Variants in EVI5 observed in about 807,000 individuals in gnomAD.
EVI5 encodes ecotropic viral integration site 5 protein homolog.
Under a neutral mutation model 112.0 loss-of-function variants are expected in EVI5, and 73 were observed. That is an observed-to-expected ratio of 0.65 (90% CI 0.54 to 0.79). The LOEUF is 0.79. EVI5 is among the 30% of genes least tolerant of loss of function. EVI5 has a pLI of 0.00. For synonymous variants in EVI5, 305 were observed against 319.9 expected, an observed-to-expected ratio of 0.95 and a Z score of 0.50; for missense variants, 900 against 968.8, an observed-to-expected ratio of 0.93 and a Z score of 0.94.
At chr1:92,682,255 A>T (rs1205468675) in intron 9 of EVI5, among the ~76,000 whole-genome samples, 1 of 152,128 alleles carries the variant, frequency 6.6e-6, no homozygotes, top group Non-Finnish European at 1.5e-5. Flanking sequence ...CGGCTCAAAT[A>T]GTATCTTACC....
chr1:92,663,722 C>T (rs1391548350), intron 11 of EVI5, among the ~76,000 whole-genome samples: 2 of 152,002 alleles, frequency 1.3e-5, no homozygotes, highest in Admixed American at 1.3e-4. Context: ...CTGGAACAAG[C>T]AAATTTTTTT....
intron 16 of EVI5, among the ~76,000 whole-genome samples, chr1:92,619,025 G>A (rs1239189235): frequency 2.6e-5 from 4 of 152,184 alleles, no homozygotes; most frequent in South Asian, 2.1e-4. Context: ...TGAAGATTAT[G>A]TATGATCTCA....
chr1:92,688,447 C>T (rs1016244251), intron 9 of EVI5, among the ~76,000 whole-genome samples: 3 of 152,114 alleles, frequency 2.0e-5, no homozygotes, highest in South Asian at 2.1e-4. Context: ...GGGGATACTC[C>T]CTCAGGAGCA....
intron 9 of EVI5, among the ~76,000 whole-genome samples, chr1:92,682,399 G>T (rs1667738828): frequency 6.6e-6 from 1 of 152,056 alleles, no homozygotes; most frequent in Non-Finnish European, 1.5e-5. Context: ...TCAGTCTTCT[G>T]TATTTCAGTA....
chr1:92,636,109 A>T, intron 14 of EVI5, 93 bp downstream of exon 14: 1 of 1,041,698 alleles, frequency 9.6e-7, no homozygotes, highest in Non-Finnish European at 1.4e-6. Flanking sequence ...ATGTATAAAA[A>T]CACCAAGTCA....
intron 9 of EVI5, among the ~76,000 whole-genome samples, chr1:92,687,203 T>A (rs1400449017): frequency 6.6e-6 from 1 of 151,914 alleles, no homozygotes; most frequent in African/African-American, 2.4e-5. Flanking sequence ...TATAGACCAA[T>A]GGAACAGAAC....
At chr1:92,735,197 C>A (rs2180977) in intron 2 of EVI5, among the ~76,000 whole-genome samples, 137,026 of 152,222 alleles carry the variant, frequency 0.9, 61,793 homozygotes, top group East Asian at 0.97. Context: ...ATAAACTGTG[C>A]TATTTCCACA....
intron 9 of EVI5, among the ~76,000 whole-genome samples, chr1:92,687,378 C>T (rs1668731566): frequency 6.6e-6 from 1 of 151,874 alleles, no homozygotes; most frequent in South Asian, 2.1e-4. Context: ...ACACCTTATA[C>T]AAAAATTAAT....
At chr1:92,658,501 T>A (rs544492626) in intron 13 of EVI5, among the ~76,000 whole-genome samples, 1 of 152,250 alleles carries the variant, frequency 6.6e-6, no homozygotes, top group East Asian at 1.9e-4. Context: ...AAAATTTAAA[T>A]ACCTGGGAAT....
At chr1:92,779,570 A>G (rs1030502558) in intron 1 of EVI5, among the ~76,000 whole-genome samples, 22 of 152,022 alleles carry the variant, frequency 1.4e-4, no homozygotes, top group African/African-American at 5.1e-4. Flanking sequence ...TCTCAGAGAG[A>G]TAAGAACAGA....
At chr1:92,533,647 T>C (rs1004651279) in intron 19 of EVI5, among the ~76,000 whole-genome samples, 1 of 152,156 alleles carries the variant, frequency 6.6e-6, no homozygotes, top group Non-Finnish European at 1.5e-5. Flanking sequence ...TCAATAAACG[T>C]AATCCATCAC....
chr1:92,677,513 A>C (rs1484953611), intron 9 of EVI5, among the ~76,000 whole-genome samples: 1 of 152,188 alleles, frequency 6.6e-6, no homozygotes, highest in East Asian at 1.9e-4. Context: ...TAAACTTACA[A>C]ATGAACCATT....
At chr1:92,547,342 T>C (rs370321562) in intron 19 of EVI5, among the ~76,000 whole-genome samples, 7 of 152,184 alleles carry the variant, frequency 4.6e-5, no homozygotes, top group East Asian at 1.9e-4. Context: ...GGGACACATT[T>C]AAAGCAGTGT....
chr1:92,572,765 T>C (rs1670506714), intron 18 of EVI5, among the ~76,000 whole-genome samples: 1 of 152,038 alleles, frequency 6.6e-6, no homozygotes, highest in African/African-American at 2.4e-5. Context: ...TCAAATAGTG[T>C]GACTCACAAC....
At chr1:92,532,963 CA>C (rs1336322143) in intron 19 of EVI5, among the ~76,000 whole-genome samples, 3 of 140,728 alleles carry the variant, frequency 2.1e-5, no homozygotes, top group African/African-American at 7.8e-5. Flanking sequence ...GATAGAGACA[CA>C]AAAAACCCTT....
At chr1:92,751,083 G>A (rs1440671509) in intron 1 of EVI5, among the ~76,000 whole-genome samples, 1 of 152,176 alleles carries the variant, frequency 6.6e-6, no homozygotes, top group Non-Finnish European at 1.5e-5. Context: ...CCGGGAGGCA[G>A]AGCTGGCAAT....
At chr1:92,520,601 A>G (rs1190195191) in intron 19 of EVI5, among the ~76,000 whole-genome samples, 4 of 152,118 alleles carry the variant, frequency 2.6e-5, no homozygotes, top group African/African-American at 9.7e-5. Flanking sequence ...CTGTAATCCT[A>G]GCACTTTGGG....
intron 13 of EVI5, among the ~76,000 whole-genome samples, chr1:92,658,436 ACAAT>A (rs1242615914): frequency 6.6e-6 from 1 of 152,186 alleles, no homozygotes; most frequent in Non-Finnish European, 1.5e-5. Context: ...TACACCAATA[ACAAT>A]CAAGCTGAGA....
At chr1:92,544,166 T>C (rs1665291021) in intron 19 of EVI5, among the ~76,000 whole-genome samples, 1 of 152,082 alleles carries the variant, frequency 6.6e-6, no homozygotes, top group African/African-American at 2.4e-5. Context: ...TTGCCTAGGG[T>C]TGGGGGAATA....
Sources: allele counts gnomAD v4.1 joint callset (sites outside exome capture counted in the v4.1 genomes callset), GRCh38; gene constraint gnomAD v4.1.1; transcripts MANE v1.5; gene names NCBI Gene and HGNC (gene_info 2026-07-23, HGNC 2026-07-21).